The following MYLK variants were observed in gnomAD, a reference collection of about 807,000 sequenced individuals.
The protein encoded by MYLK is myosin light chain kinase, smooth muscle.
Under a neutral mutation model 203.4 loss-of-function variants are expected in MYLK, and 106 were observed. That is an observed-to-expected ratio of 0.52 (90% CI 0.45 to 0.61). The LOEUF (loss-of-function observed/expected upper bound fraction) is 0.61, where lower values mean the gene tolerates loss of function less well. Among genes scored for constraint, MYLK ranks in the 20% least tolerant of loss-of-function variants. The probability of loss-of-function intolerance (pLI) is 0.00; values close to 1 mark genes in which losing one functional copy is unlikely to be tolerated. For synonymous variants in MYLK, 867 were observed against 959.5 expected (o/e 0.90, Z 1.78); for missense variants, 2,072 against 2,442.3 (o/e 0.85, Z 3.20).
intron 24 of MYLK, among the ~76,000 whole-genome samples, chr3:123,653,352 C>A (rs567187333): frequency 6.6e-6 from 1 of 152,188 alleles, no homozygotes; most frequent in Non-Finnish European, 1.5e-5. Context: ...CTGAGCAGAC[C>A]GTGGAGGACT....
chr3:123,725,223 C>G (rs998652944), intron 12 of MYLK, among the ~76,000 whole-genome samples: 4 of 152,216 alleles, frequency 2.6e-5, no homozygotes, highest in African/African-American at 9.6e-5. Flanking sequence ...TGACTCTCAG[C>G]AGGGGCTCTT....
At chr3:123,778,858 C>A (rs746604376) in intron 4 of MYLK, among the ~76,000 whole-genome samples, 23 of 152,216 alleles carry the variant, frequency 1.5e-4, no homozygotes, top group Non-Finnish European at 3.2e-4. Flanking sequence ...ACCCTGCAGG[C>A]ACCCAGTGGC....
At chr3:123,666,069 G>T in intron 22 of MYLK, 150 bp downstream of exon 22, 1 of 1,228,176 alleles carries the variant, frequency 8.1e-7, no homozygotes, top group Non-Finnish European at 1.2e-6. Context: ...GGTTTGGCAG[G>T]TGAGCGATGG....
chr3:123,807,443 A>G (rs937423405), intron 3 of MYLK, among the ~76,000 whole-genome samples: 4 of 152,176 alleles, frequency 2.6e-5, no homozygotes, highest in Non-Finnish European at 5.9e-5. Flanking sequence ...CCAAAAAAAA[A>G]AAAGCTATGT....
rs558217927 is a variant in MYLK, at chr3:123,657,394, G to C, written c.4020C>G (p.Ala1340=). The C allele has an allele frequency of 8.1e-6, 13 of 1,613,730 alleles. No individual in the cohort carries two copies. The highest frequency in any genetic ancestry group is 1.1e-5 in the Non-Finnish European group (13 of 1,180,018). The part of the protein sequence containing the change: ...KPDPPAGTPC[A]SDIRSSSLTL... ...TCAGTGAGGAGCTCCGAATGTCAGAGGCACAAGGTGTGCCAGCTGGGGGGT... is the reference window on the plus strand; with the variant it reads ...TCAGTGAGGAGCTCCGAATGTCAGACGCACAAGGTGTGCCAGCTGGGGGGT... The change falls in exon 24 of 34, where the codon GCC becomes GCG. Residue 1340 remains alanine, a synonymous_variant. Transcript: ENST00000360304.
At chr3:123,837,133 A>C (rs564900863) in intron 2 of MYLK, among the ~76,000 whole-genome samples, 2 of 152,232 alleles carry the variant, frequency 1.3e-5, no homozygotes, top group African/African-American at 4.8e-5. Context: ...TCCTGGGTTC[A>C]AGCAATTCTC....
At chr3:123,676,024 A>G (rs1476286470) in intron 20 of MYLK, among the ~76,000 whole-genome samples, 1 of 152,248 alleles carries the variant, frequency 6.6e-6, no homozygotes, top group African/African-American at 2.4e-5. Flanking sequence ...CTCTGATTAC[A>G]TCCATTCCCA....
rs371418382 is a variant in MYLK, at chr3:123,700,676, C to A, written c.2792G>T (p.Arg931Leu). Residue 931 changes from arginine (R) to leucine (L), a missense_variant, in exon 18 of 34, where the codon CGG becomes CTG. Arg to Leu is a moderately radical substitution (Grantham distance 102). Around this residue, in one of 3 missense-constraint regions of MYLK, gnomAD observed 865 missense variants for 1,016.0 expected, o/e 0.85. Coordinates refer to ENST00000360304, the MANE Select transcript of MYLK (RefSeq NM_053025.4). ...EQMDFRANLQ[R>L]QVKPKTVSEE... ...AGACACAGTCTTTGGCTTCACTTGC[C>A]GCTGCAGGTTGGCACGGAAATCCAT... is the stretch of plus-strand genomic sequence containing the variant. The A allele has an allele frequency of 1.2e-6, 2 of 1,614,144 alleles. No individual in the cohort carries two copies. Among genetic ancestry groups the A allele is most frequent in the Non-Finnish European group, 1.7e-6 (2 of 1,180,028 alleles).
chr3:123,620,688 T>G (rs1484418755), intron 31 of MYLK: 1 of 1,057,550 alleles, frequency 9.5e-7, no homozygotes, highest in Non-Finnish European at 1.2e-6. Flanking sequence ...CTCCAAAGAC[T>G]TATTGCTGAC....
rs1560096465 is a variant in MYLK, at chr3:123,700,819, A to T, written c.2649T>A (p.Thr883=). ...LKRRVETRQH[T]EEAIRQQEVE... Reference sequence around the variant, plus strand: ...CCTCCTGCTGGCGGATCGCCTCCTCAGTGTGCTGCCTCGTCTCCACGCGCC... The same window carrying T: ...CCTCCTGCTGGCGGATCGCCTCCTCTGTGTGCTGCCTCGTCTCCACGCGCC... The change falls in exon 18 of 34, where the codon ACT becomes ACA. Residue 883 remains threonine, a synonymous_variant. Transcript: ENST00000360304. 6.2e-7 allele frequency: 1 copy of T among 1,614,084 alleles called. No homozygotes were observed. The highest frequency in any genetic ancestry group is 8.5e-7 in the Non-Finnish European group (1 of 1,180,028).
intron 2 of MYLK, among the ~76,000 whole-genome samples, chr3:123,868,422 A>C (rs1445150037): frequency 6.6e-6 from 1 of 152,244 alleles, no homozygotes; most frequent in Non-Finnish European, 1.5e-5. Flanking sequence ...ATTAAAATAG[A>C]GTATCGTAAT....
chr3:123,617,067 G>A (rs988884273), intron 33 of MYLK: 3 of 152,132 alleles, frequency 2.0e-5, no homozygotes, highest in Admixed American at 6.5e-5. Flanking sequence ...GGAAAATTGG[G>A]TCAGGAAGAG....
chr3:123,882,739 TC>T (rs200171113), intron 1 of MYLK, among the ~76,000 whole-genome samples: 3,546 of 152,136 alleles, frequency 0.023, 54 homozygotes, highest in Non-Finnish European at 0.036. Context: ...CTCAGGTTCC[TC>T]CCAGACCCAA....
At chr3:123,646,329 G>C (rs571889067) in intron 27 of MYLK, among the ~76,000 whole-genome samples, 3 of 152,220 alleles carry the variant, frequency 2.0e-5, no homozygotes, top group Non-Finnish European at 4.4e-5. Flanking sequence ...GATGGTTGTA[G>C]TGTTTAGGAA....
chr3:123,722,174 C>G lies in MYLK; in HGVS notation c.1758G>C (p.Glu586Asp), dbSNP rs745946449. The change falls in exon 13 of 34, where the codon GAG (glutamate) becomes GAC (aspartate). Residue 586 changes from glutamate (E) to aspartate (D), a missense_variant. Physicochemically the swap from Glu to Asp is conservative, Grantham distance 45. Coordinates refer to ENST00000360304, the MANE Select transcript of MYLK (RefSeq NM_053025.4). Reference sequence around the variant, plus strand: ...TGCAGGACACCTGCCCCAAGGCATTCTCAGCTAGGCAGGTGTAGGTGCCAT... The same window carrying G: ...TGCAGGACACCTGCCCCAAGGCATTGTCAGCTAGGCAGGTGTAGGTGCCAT... ...EDHGTYTCLAENALGQVSCSA... is the reference protein window; with the variant it reads ...EDHGTYTCLADNALGQVSCSA... The G allele has an allele frequency of 4.5e-6, 7 of 1,564,292 alleles. No individual in the cohort carries two copies. The highest frequency in any genetic ancestry group is 6.1e-6 in the Non-Finnish European group (7 of 1,154,126).
intron 3 of MYLK, among the ~76,000 whole-genome samples, chr3:123,828,057 A>C (rs1468383636): frequency 6.6e-6 from 1 of 152,044 alleles, no homozygotes; most frequent in Non-Finnish European, 1.5e-5. Context: ...AAATGACAAT[A>C]TTATCCAAAG....
At chr3:123,823,772 C>T (rs971348560) in intron 3 of MYLK, among the ~76,000 whole-genome samples, 7 of 152,286 alleles carry the variant, frequency 4.6e-5, no homozygotes, top group African/African-American at 1.4e-4. Flanking sequence ...CCCTGCATCA[C>T]CCAGCTCTGG....
chr3:123,837,220 C>T (rs1449346463), intron 2 of MYLK, among the ~76,000 whole-genome samples: 2 of 152,004 alleles, frequency 1.3e-5, no homozygotes, highest in East Asian at 3.9e-4. Flanking sequence ...TTAGTAGACA[C>T]AGGGTTTTAC....
At chr3:123,806,972 T>C (rs1348240492) in intron 3 of MYLK, among the ~76,000 whole-genome samples, 1 of 151,456 alleles carries the variant, frequency 6.6e-6, no homozygotes, top group Admixed American at 6.6e-5. Context: ...GCCAACATAC[T>C]GAGATATTTT....
Sources: allele counts gnomAD v4.1 joint callset (sites outside exome capture counted in the v4.1 genomes callset), GRCh38; gene constraint gnomAD v4.1.1; regional missense constraint gnomAD v4.1.1; transcripts MANE v1.5; gene names NCBI Gene and HGNC (gene_info 2026-07-23, HGNC 2026-07-21).